TSHZ3: variants seen among roughly 807,000 people sequenced by gnomAD.
The protein encoded by TSHZ3 is teashirt zinc finger homeobox 3, also known as teashirt homolog 3.
Under a neutral mutation model 64.5 loss-of-function variants are expected in TSHZ3, and 10 were observed. The observed-to-expected ratio is 0.16, with a 90% CI of 0.10 to 0.26. The LOEUF (loss-of-function observed/expected upper bound fraction) is 0.26. Ranked by LOEUF, TSHZ3 falls within the 10% of genes least tolerant of loss-of-function variation. TSHZ3 has a pLI of 1.00. For synonymous variants in TSHZ3, 608 were observed against 593.1 expected (o/e 1.03, Z -0.36); for missense variants, 1,242 against 1,421.7 (o/e 0.87, Z 2.03).
intron 1 of TSHZ3, among the ~76,000 whole-genome samples, chr19:31,313,263 G>T (rs878897987): frequency 6.6e-6 from 1 of 152,188 alleles, no homozygotes; most frequent in Non-Finnish European, 1.5e-5. Context: ...TAAAACCTCT[G>T]AATGTCCAGT....
chr19:31,268,818 C>G (rs1208948443), intron 1 of TSHZ3, among the ~76,000 whole-genome samples: 1 of 152,176 alleles, frequency 6.6e-6, no homozygotes, highest in Non-Finnish European at 1.5e-5. Context: ...GAGATGAGCT[C>G]TGAGTCTCAC....
At chr19:31,341,646 C>CTG (rs1363257509) in intron 1 of TSHZ3, among the ~76,000 whole-genome samples, 11 of 138,640 alleles carry the variant, frequency 7.9e-5, no homozygotes, top group African/African-American at 3.4e-4. Flanking sequence ...CACACACACA[C>CTG]ACACACACAC....
In TSHZ3 at chr19:31,294,429, TACTCAGCACTC is replaced by T. The variant is rs796103514; in HGVS notation, c.41-14688_41-14678del. Among the ~76,000 whole-genome samples the T allele has an allele frequency of 7.9e-5, 12 of 152,032 alleles. 1 individual carries two copies. The South Asian group carries it at 2.5e-3, about 32-fold the overall frequency. ...CGGCACTCAGTCAGCACTTAGCCAG[TACTCAGCACTC>T]ACTCAGCACTCAACAAGCACTCACT... On this transcript the variant is annotated intron_variant, in intron 1 of 1. Transcript: ENST00000240587.
Position 31,277,279 on chromosome 19 carries a change from C to T in TSHZ3, c.2514G>A (p.Pro838=), listed in dbSNP as rs535430454. 107 of 1,613,932 alleles carry T rather than the reference C, an allele frequency of 6.6e-5. No homozygotes were observed. Among genetic ancestry groups the T allele is most frequent in the South Asian group, 6.4e-4 (58 of 91,068 alleles). ...SAVVSFMSNS[P]LRENALSDIS... ...TATCTGACAAGGCATTCTCGCGTAG[C>T]GGCGAGTTTGACATGAATGATACGA... Residue 838 remains proline (P), a synonymous_variant, in exon 2 of 2, where the codon CCG becomes CCA. Transcript: ENST00000240587. The surrounding 1 kb of genome is among the most constrained non-coding windows in gnomAD (Gnocchi z 4.5).
chr19:31,340,161 A>C (rs1048894720), intron 1 of TSHZ3, among the ~76,000 whole-genome samples: 1 of 151,912 alleles, frequency 6.6e-6, no homozygotes, highest in African/African-American at 2.4e-5. Context: ...TGGCGAGAGG[A>C]TTTATGAAGC....
rs1413620001 is a variant in TSHZ3, at chr19:31,277,178, G to A, written c.2615C>T (p.Ser872Phe). The A allele has an allele frequency of 6.2e-7, 1 of 1,614,026 alleles. No individual in the cohort carries two copies. The highest frequency in any genetic ancestry group is 8.5e-7 in the Non-Finnish European group (1 of 1,180,018). Reference protein sequence around the residue: ...SSTPSSISEKSDIDGATLEEA... With the variant: ...SSTPSSISEKFDIDGATLEEA... Reference sequence around the variant, plus strand: ...CTCCAGAGTGGCCCCGTCAATGTCAGACTTCTCGGAGATGCTGGAAGGAGT... The same window carrying A: ...CTCCAGAGTGGCCCCGTCAATGTCAAACTTCTCGGAGATGCTGGAAGGAGT... The change falls in exon 2 of 2, where the codon TCT (serine) becomes TTT (phenylalanine). Residue 872 changes from serine to phenylalanine, a missense_variant. Physicochemically the swap from Ser to Phe is radical, Grantham distance 155. Around this residue, in one of 4 missense-constraint regions of TSHZ3, gnomAD observed 550 missense variants for 545.1 expected, o/e 1.01. Transcript: ENST00000240587. The surrounding 1 kb of genome is among the most constrained non-coding windows in gnomAD (Gnocchi z 4.5).
intron 5 of TSHZ3, among the ~76,000 whole-genome samples, chr19:31,159,085 C>T (rs562750931): frequency 7.2e-5 from 11 of 152,134 alleles, no homozygotes; most frequent in Non-Finnish European, 1.3e-4. Flanking sequence ...CTGCAACCTC[C>T]GCCTCCTGGG....
rs376180975 is a variant in TSHZ3 at position 31,177,441 on chromosome 19, G to A, written n.810-21024C>T. Among the ~76,000 whole-genome samples, 3 of 152,186 alleles carry A rather than the reference G, an allele frequency of 2.0e-5. No homozygotes were observed. In the South Asian group the frequency reaches 6.2e-4, roughly 32 times the overall value. The stretch of plus-strand genomic sequence containing the variant: ...CATCCCTTGCCTTCCCAGCCTCGGG[G>A]CTGCTGGCCGTCTGCAATGTTCCTT... On this transcript the variant is annotated intron_variant and non_coding_transcript_variant, in intron 5 of 6. Transcript: ENST00000651361.
In TSHZ3 at chr19:31,312,865, G is replaced by A. The variant is rs75036967; in HGVS notation, c.41-33113C>T. On this transcript the variant is annotated intron_variant, in intron 1 of 1. Coordinates refer to ENST00000240587, the MANE Select transcript of TSHZ3 (RefSeq NM_020856.4). ...GAAGAGAGATAAGGCATTAGACTCC[G>A]GTAGGAAGGCAAGAGAATTCAGCTA... is the stretch of plus-strand genomic sequence containing the variant. Among the ~76,000 whole-genome samples the A allele has an allele frequency of 8.4e-3, 1,272 of 152,260 alleles. 6 individuals carry two copies. Among genetic ancestry groups the A allele is most frequent in the Middle Eastern group, 0.034 (10 of 294 alleles).
At chr19:31,194,948 G>A (rs974361167) in intron 5 of TSHZ3, among the ~76,000 whole-genome samples, 9 of 152,072 alleles carry the variant, frequency 5.9e-5, no homozygotes, top group South Asian at 2.1e-4. Context: ...AATGAATCAC[G>A]CCTTTGATGG....
At position 31,171,408 on chromosome 19, in the gene TSHZ3, T is replaced by G. The variant is rs116616380; in HGVS notation, n.810-14991A>C. Among the ~76,000 whole-genome samples, 330 of 152,084 alleles carry G rather than the reference T, an allele frequency of 2.2e-3. 1 individual carries two copies. Among genetic ancestry groups the G allele is most frequent in the African/African-American group, 7.6e-3 (315 of 41,498 alleles). ...ATCCATCTTCCCAACTGATTCAAAT[T>G]AGGGGTTTATATAGCAGGGAAGAAA... On this transcript the variant is annotated intron_variant and non_coding_transcript_variant, in intron 5 of 6. Transcript: ENST00000651361.
chr19:31,321,593 C>A (rs971826686), intron 1 of TSHZ3, among the ~76,000 whole-genome samples: 29 of 152,298 alleles, frequency 1.9e-4, no homozygotes, highest in Middle Eastern at 3.4e-3. Context: ...CACAATCAGG[C>A]AGCAAGGTCA....
intron 4 of TSHZ3, among the ~76,000 whole-genome samples, chr19:31,211,912 T>C (rs1330067753): frequency 1.3e-5 from 2 of 152,148 alleles, no homozygotes; most frequent in African/African-American, 4.8e-5. Flanking sequence ...GCTTCTGGAC[T>C]GAGGCGTGTT....
At chr19:31,256,651 CAGGCACAGAGA>C (rs1276280024) in intron 1 of TSHZ3, among the ~76,000 whole-genome samples, 2 of 152,174 alleles carry the variant, frequency 1.3e-5, no homozygotes, top group Non-Finnish European at 2.9e-5. Flanking sequence ...TACCATGTGC[CAGGCACAGAGA>C]AGTTTTGCAA....
At chr19:31,347,161 C>A (rs2021542319) in intron 1 of TSHZ3, among the ~76,000 whole-genome samples, 1 of 148,734 alleles carries the variant, frequency 6.7e-6, no homozygotes, top group Non-Finnish European at 1.5e-5. Flanking sequence ...TTTTTCTTAA[C>A]TGACCTGAGA....
intron 1 of TSHZ3, among the ~76,000 whole-genome samples, chr19:31,295,482 T>G (rs1183279650): frequency 6.6e-6 from 1 of 152,178 alleles, no homozygotes; most frequent in Non-Finnish European, 1.5e-5. Context: ...ACAGACAAAA[T>G]CAACTGTTAT....
intron 5 of TSHZ3, among the ~76,000 whole-genome samples, chr19:31,177,356 G>A (rs181829559): frequency 1.4e-4 from 21 of 152,322 alleles, no homozygotes; most frequent in Admixed American, 9.8e-4. Context: ...TGGCCAGCCG[G>A]GTGGTGTCAG....
intron 3 of TSHZ3, among the ~76,000 whole-genome samples, chr19:31,228,542 A>T (rs1450172192): frequency 2.6e-5 from 4 of 151,198 alleles, no homozygotes; most frequent in African/African-American, 9.7e-5. Context: ...AAAAAAAAAA[A>T]ATTATTAGAG....
chr19:31,171,854 C>T (rs1013063237), intron 5 of TSHZ3, among the ~76,000 whole-genome samples: 17 of 152,254 alleles, frequency 1.1e-4, no homozygotes, highest in Non-Finnish European at 2.4e-4. Context: ...TTTCCCTTTC[C>T]CCTCAGAGGC....
Sources: gnomAD v4.1 joint callset for allele counts (sites outside exome capture counted in the v4.1 genomes callset) on GRCh38, gnomAD v4.1.1 for gene constraint, gnomAD v4.1.1 regional missense constraint, Gnocchi (gnomAD v3.1) non-coding constraint, MANE v1.5 for transcripts, NCBI Gene and HGNC (gene_info 2026-07-23, HGNC 2026-07-21) for gene names.